Variants in TALDO1 observed in about 807,000 individuals in gnomAD.
The protein encoded by TALDO1 is transaldolase 1, also known as transaldolase.
In TALDO1, 29 loss-of-function variants were observed where a neutral mutation model predicts 38.1. That is an observed-to-expected ratio of 0.76 (90% CI 0.57 to 1.04). TALDO1 has a LOEUF of 1.04. TALDO1 is among the 50% of genes least tolerant of loss of function. The pLI is 0.00. For missense variants in TALDO1, 499 were observed against 438.1 expected, an observed-to-expected ratio of 1.14 and a Z score of -1.24; for synonymous variants, 207 against 176.8, an observed-to-expected ratio of 1.17 and a Z score of -1.36.
intron 3 of TALDO1, among the ~76,000 whole-genome samples, 200 bp downstream of exon 3, chr11:759,257 TA>T (rs1332508246): frequency 6.6e-5 from 10 of 152,048 alleles, no homozygotes; most frequent in Non-Finnish European, 1.0e-4. Context: ...TAGTGTTTTT[TA>T]TTTTTATTTT....
chr11:751,212 G>A (rs894979394), intron 1 of TALDO1, among the ~76,000 whole-genome samples: 3 of 151,948 alleles, frequency 2.0e-5, no homozygotes, highest in South Asian at 2.1e-4. Flanking sequence ...ACAGATGTGC[G>A]CCACCACTCC....
chr11:758,766 A>C (rs928479369), intron 2 of TALDO1, among the ~76,000 whole-genome samples, 184 bp from the exon 3 acceptor site: 1 of 152,056 alleles, frequency 6.6e-6, no homozygotes, highest in African/African-American at 2.4e-5. Flanking sequence ...CACCATGCCC[A>C]GCTAATTTTT....
chr11:762,224 A>G (rs1384369834), intron 4 of TALDO1, among the ~76,000 whole-genome samples: 1 of 152,202 alleles, frequency 6.6e-6, no homozygotes, highest in Non-Finnish European at 1.5e-5. Context: ...TCGGCCTCCC[A>G]AAGTGTTGGG....
intron 1 of TALDO1, chr11:752,446 T>G (rs1169768931): frequency 6.6e-6 from 1 of 152,288 alleles, no homozygotes; most frequent in Non-Finnish European, 1.5e-5. Context: ...TCACATACCC[T>G]GGAGGAAGGA....
intron 1 of TALDO1, among the ~76,000 whole-genome samples, chr11:748,926 G>A (rs987121427): frequency 6.6e-6 from 1 of 152,206 alleles, no homozygotes; most frequent in Non-Finnish European, 1.5e-5. Context: ...CAGTTTGCCT[G>A]GTGGACAGAG....
chr11:764,164 TGCTGGG>T lies in TALDO1; in HGVS notation c.836-121_836-116del, dbSNP rs1863008548. Reference sequence around the variant, plus strand: ...TGAACCCCACTTCCAGCGTGAGCCTTGCTGGGGCCAAGGCCTGGCCCTGGTGGGAGA... The same window carrying T: ...TGAACCCCACTTCCAGCGTGAGCCTTGCCAAGGCCTGGCCCTGGTGGGAGA... On this transcript the variant is annotated intron_variant, in intron 6 of 7. Transcript: ENST00000319006. The T allele has an allele frequency of 8.3e-6, 13 of 1,558,918 alleles. No individual in the cohort carries two copies. In the South Asian group the frequency reaches 1.5e-4, roughly 17 times the overall value.
At chr11:763,212 CTCACCTGCCCCCG>C in intron 4 of TALDO1, 119 bp from the exon 5 acceptor site, 1 of 173,250 alleles carries the variant, frequency 5.8e-6, no homozygotes, top group Non-Finnish European at 1.2e-5. Flanking sequence ...CTGCCCCGCC[CTCACCTGCCCCCG>C]CCCTCACCCG....
chr11:764,549 C>T lies in TALDO1; in HGVS notation c.981+116C>T, dbSNP rs553167967. The T allele has an allele frequency of 7.7e-5, 116 of 1,510,220 alleles. 1 individual carries two copies. In the East Asian group the frequency reaches 2.3e-3, roughly 30 times the overall value. The allele number at this position is 1,510,220 out of a possible 1,614,324, so 93.6% of individuals were successfully genotyped here. On this transcript the variant is annotated intron_variant, in intron 7 of 7. Coordinates refer to ENST00000319006, the MANE Select transcript of TALDO1 (RefSeq NM_006755.2). ...TTGGTGAGACCCCAGGTCTCATTCA[C>T]GTGCTGTCCAGCAAGTGGGGCCTGT...
In TALDO1 at chr11:764,311, A is replaced by G; in HGVS notation, c.859A>G (p.Ile287Val). The change falls in exon 7 of 8, where the codon ATC (isoleucine) becomes GTC (valine). Residue 287 changes from isoleucine to valine, a missense_variant. Coordinates refer to ENST00000319006, the MANE Select transcript of TALDO1 (RefSeq NM_006755.2). ...KAAQASDLEK[I>V]HLDEKSFRWL... ...AGCCCAAGCCAGTGACCTGGAAAAA[A>G]TCCACCTGGATGAGAAGTCTTTCCG... 1 of 1,614,240 alleles carries G rather than the reference A, an allele frequency of 6.2e-7. No individual in the cohort carries two copies.
intron 1 of TALDO1, among the ~76,000 whole-genome samples, chr11:751,899 C>T (rs1862758171): frequency 6.6e-6 from 1 of 152,130 alleles, no homozygotes; most frequent in Non-Finnish European, 1.5e-5. Context: ...CTCATAACTC[C>T]CACAGCCCTG....
chr11:753,754 A>G (rs1030301674), intron 1 of TALDO1, among the ~76,000 whole-genome samples: 10 of 151,458 alleles, frequency 6.6e-5, no homozygotes, highest in African/African-American at 2.4e-4. Flanking sequence ...TACAAGTACA[A>G]AAATTAGCCA....
chr11:764,535 C>T, intron 7 of TALDO1, 102 bp downstream of exon 7: 1 of 1,525,206 alleles, frequency 6.6e-7, no homozygotes, highest in Non-Finnish European at 8.9e-7. Context: ...TGGTGAGACC[C>T]CAGGTCTCAT....
intron 1 of TALDO1, among the ~76,000 whole-genome samples, chr11:748,486 A>T (rs1020457343): frequency 2.1e-4 from 32 of 152,226 alleles, no homozygotes; most frequent in African/African-American, 7.7e-4. Context: ...CCTTGTGTCT[A>T]TGTTTTGTTG....
At position 763,854 on chromosome 11, in the gene TALDO1, G is replaced by A. The variant is rs750834906; in HGVS notation, c.745G>A (p.Gly249Ser). 13 of 1,613,980 alleles carry A rather than the reference G, an allele frequency of 8.1e-6. No homozygotes were observed. The highest frequency in any genetic ancestry group is 2.2e-5 in the East Asian group (1 of 44,880). ...CACGGGCGAGATCAAAGCACTGGCCGGCTGTGACTTCCTCACCATCTCACC... is the reference window on the plus strand; with the variant it reads ...CACGGGCGAGATCAAAGCACTGGCCAGCTGTGACTTCCTCACCATCTCACC... ...RNTGEIKALA[G>S]CDFLTISPKL... Residue 249 changes from glycine (G) to serine (S), a missense_variant, in exon 6 of 8, where the codon GGC (glycine) becomes AGC (serine). Transcript: ENST00000319006.
chr11:753,115 C>T (rs866963041), intron 1 of TALDO1, among the ~76,000 whole-genome samples: 30 of 152,164 alleles, frequency 2.0e-4, no homozygotes, highest in Middle Eastern at 3.4e-3. Flanking sequence ...CTTCAGAGGC[C>T]GGGCGCAGTG....
chr11:763,631 G>C (rs569581893), intron 5 of TALDO1, 112 bp downstream of exon 5: 1 of 1,570,964 alleles, frequency 6.4e-7, no homozygotes, highest in Admixed American at 1.7e-5. Flanking sequence ...TGCACAGGTC[G>C]GCGCGGGGCA....
In TALDO1 at chr11:763,745, A is replaced by G. The variant is rs771821728; in HGVS notation, c.638-2A>G. The G allele has an allele frequency of 6.2e-7, 1 of 1,613,732 alleles. No individual in the cohort carries two copies. The highest frequency in any genetic ancestry group is 8.5e-7 in the Non-Finnish European group (1 of 1,179,834). ...CCTGGTCACAGCTTGGTCTCTTTCC[A>G]GGGGTAAAGAGTGTCACTAAAATCT... is the stretch of plus-strand genomic sequence containing the variant. On this transcript the variant is annotated splice_acceptor_variant, in intron 5 of 7. Transcript: ENST00000319006. LOFTEE classifies it high-confidence loss of function.
intron 3 of TALDO1, among the ~76,000 whole-genome samples, 166 bp downstream of exon 3, chr11:759,223 G>A (rs546876737): frequency 6.6e-6 from 1 of 152,254 alleles, no homozygotes; most frequent in Non-Finnish European, 1.5e-5. Flanking sequence ...ATGACCAAGA[G>A]CTCCTTGTTT....
chr11:763,501 G>C lies in TALDO1; in HGVS notation c.619G>C (p.Glu207Gln), dbSNP rs778240722. 2 of 1,613,536 alleles carry C rather than the reference G, an allele frequency of 1.2e-6. No individual in the cohort carries two copies. Among genetic ancestry groups the C allele is most frequent in the African/African-American group, 1.3e-5 (1 of 74,704 alleles). ...HVANTDKKSY[E>Q]PLEDPGVKSV... ...GGCAAACACCGACAAGAAATCCTAT[G>C]AGCCCCTGGAAGACCCTGGTGAGGG... is the stretch of plus-strand genomic sequence containing the variant. Residue 207 changes from glutamate to glutamine, a missense_variant, in exon 5 of 8, where the codon GAG becomes CAG. By Grantham distance (29) the Glu-to-Gln change is conservative (BLOSUM62 2). Transcript: ENST00000319006.
Sources: gnomAD v4.1 joint callset for allele counts (sites outside exome capture counted in the v4.1 genomes callset) on GRCh38, gnomAD v4.1.1 for gene constraint, MANE v1.5 for transcripts, NCBI Gene and HGNC (gene_info 2026-07-23, HGNC 2026-07-21) for gene names.